The following TTC12 variants were observed in gnomAD, a reference collection of about 807,000 sequenced individuals.
The protein encoded by TTC12 is tetratricopeptide repeat domain 12, also known as tetratricopeptide repeat protein 12.
A neutral mutation model predicts 90.1 loss-of-function variants in TTC12; 70 were observed. The observed-to-expected ratio is 0.78, with a 90% confidence interval of 0.64 to 0.95. The LOEUF is 0.95. Ranked by LOEUF, TTC12 falls within the 40% of genes least tolerant of loss-of-function variation. TTC12 has a pLI of 0.00. For missense variants in TTC12, 819 were observed against 846.1 expected (o/e 0.97, Z 0.40); for synonymous variants, 296 against 311.5 (o/e 0.95, Z 0.53).
chr11:113,345,294 G>C (rs1248517198), intron 13 of TTC12, among the ~76,000 whole-genome samples: 1 of 152,096 alleles, frequency 6.6e-6, no homozygotes, highest in Non-Finnish European at 1.5e-5. Flanking sequence ...CTGCTATTTT[G>C]TTTTATCTCC....
chr11:113,371,335 T>C (rs1950381015), downstream of TTC12: 2 of 152,330 alleles, frequency 1.3e-5, no homozygotes, highest in South Asian at 4.1e-4. Context: ...GTAAATTCTA[T>C]GTAAATAGTG....
rs144273014 is a variant in TTC12 at position 113,359,736 on chromosome 11, G to C, written c.1546-204G>C. Reference sequence around the variant, plus strand: ...CTGCATTTACAAAGTCAAATAAAAGGCGGTTCCTGCTATCAGGGTAATGCC... The same window carrying C: ...CTGCATTTACAAAGTCAAATAAAAGCCGGTTCCTGCTATCAGGGTAATGCC... On this transcript the variant is annotated intron_variant, in intron 17 of 21. Coordinates refer to ENST00000529221, the MANE Select transcript of TTC12 (RefSeq NM_017868.4). Among the ~76,000 whole-genome samples the C allele has an allele frequency of 7.1e-3, 1,080 of 152,290 alleles. 10 individuals carry two copies. The highest frequency in any genetic ancestry group is 0.024 in the African/African-American group (1,005 of 41,556).
intron 12 of TTC12, 130 bp from the exon 13 acceptor site, chr11:113,344,142 T>G (rs1302992895): frequency 9.2e-7 from 1 of 1,092,212 alleles, no homozygotes; most frequent in Non-Finnish European, 1.3e-6. Flanking sequence ...GAATCCACAC[T>G]CTTACACTTC....
chr11:113,362,905 T>C (rs1418871545), intron 19 of TTC12, among the ~76,000 whole-genome samples: 2 of 152,228 alleles, frequency 1.3e-5, no homozygotes, highest in Admixed American at 6.5e-5. Context: ...ACTCCATCTA[T>C]GAGACATGTA....
At chr11:113,330,452 G>A (rs1218578789) in intron 7 of TTC12, among the ~76,000 whole-genome samples, 1 of 152,164 alleles carries the variant, frequency 6.6e-6, no homozygotes, top group Non-Finnish European at 1.5e-5. Context: ...GTCAGGCCTT[G>A]AGCAGATAAA....
intron 10 of TTC12, among the ~76,000 whole-genome samples, chr11:113,340,412 C>T (rs147189881): frequency 5.2e-5 from 8 of 152,384 alleles, no homozygotes; most frequent in Middle Eastern, 6.8e-3. Context: ...AGATAGCCCT[C>T]GGGGCCACCC....
chr11:113,341,794 T>C (rs529607818), intron 11 of TTC12, 43 bp from the exon 12 acceptor site: 1 of 1,469,534 alleles, frequency 6.8e-7, no homozygotes, highest in Non-Finnish European at 9.5e-7. Context: ...AAATCAAGAC[T>C]GATTTTCAGA....
rs140600385 is a variant in TTC12 at position 113,364,952 on chromosome 11, C to T, written c.1934C>T (p.Thr645Met). The change falls in exon 21 of 22, where the codon ACG (threonine) becomes ATG (methionine). Residue 645 changes from threonine (T) to methionine (M), a missense_variant. By Grantham distance (81) the Thr-to-Met change is moderately conservative (BLOSUM62 -1). Coordinates refer to ENST00000529221, the MANE Select transcript of TTC12 (RefSeq NM_017868.4). ...VPNVASSLLK[T>M]DLLQVLLKLA... Reference sequence around the variant, plus strand: ...AACGTTGCGTCTTCCCTGCTAAAGACGGACCTTTTGCAGGTCTTGTTAAAG... The same window carrying T: ...AACGTTGCGTCTTCCCTGCTAAAGATGGACCTTTTGCAGGTCTTGTTAAAG... The T allele has an allele frequency of 1.3e-4, 213 of 1,613,996 alleles. No individual in the cohort carries two copies. Among genetic ancestry groups the T allele is most frequent in the African/African-American group, 2.9e-4 (22 of 74,894 alleles).
intron 16 of TTC12, among the ~76,000 whole-genome samples, chr11:113,358,742 C>A (rs1328491294): frequency 2.0e-5 from 3 of 152,178 alleles, no homozygotes; most frequent in African/African-American, 7.2e-5. Flanking sequence ...CTCTCCCTGA[C>A]AACTCGATGA....
intron 21 of TTC12, among the ~76,000 whole-genome samples, chr11:113,372,518 T>TA (rs1348979447): frequency 6.6e-6 from 1 of 152,224 alleles, no homozygotes; most frequent in Non-Finnish European, 1.5e-5. Flanking sequence ...CAGAGCTTTT[T>TA]AAATTCTCTG....
chr11:113,352,735 A>G (rs1284703574), intron 16 of TTC12, among the ~76,000 whole-genome samples: 1 of 152,302 alleles, frequency 6.6e-6, no homozygotes, highest in East Asian at 1.9e-4. Flanking sequence ...TAATCTGCAA[A>G]GGATAATAGC....
chr11:113,349,125 C>T (rs1219659222), intron 13 of TTC12, among the ~76,000 whole-genome samples: 4 of 152,158 alleles, frequency 2.6e-5, no homozygotes, highest in African/African-American at 9.7e-5. Flanking sequence ...TGTGATTGGT[C>T]AAATGGATAA....
In TTC12 at chr11:113,352,113, GCATTGC is replaced by G; in HGVS notation, c.1356_1361del (p.Ala453_Ile454del). The G allele has an allele frequency of 6.2e-7, 1 of 1,614,248 alleles. No homozygotes were observed. The highest frequency in any genetic ancestry group is 8.5e-7 in the Non-Finnish European group (1 of 1,180,038). ...AGCAGCTCCTCGGCTCTGTGCCAGT[GCATTGC>G]CATCATGGGAAACCTCAGTGCTGAG... On this transcript the variant is annotated inframe_deletion, in exon 16 of 22. Coordinates refer to ENST00000529221, the MANE Select transcript of TTC12 (RefSeq NM_017868.4).
intron 15 of TTC12, 88 bp from the exon 16 acceptor site, chr11:113,351,982 C>T (rs1291753792): frequency 4.7e-6 from 7 of 1,489,484 alleles, no homozygotes; most frequent in Admixed American, 2.3e-5. Context: ...GTTCGTGGGC[C>T]TTTTGGTGAG....
rs918496807 is a variant in TTC12, at chr11:113,323,581, G to A, written c.222+130G>A. ...TGTTTCTTAGATTTATTTTTTATAAGAAAGTATAAAATTTGATTTTTTTTT... is the reference window on the plus strand; with the variant it reads ...TGTTTCTTAGATTTATTTTTTATAAAAAAGTATAAAATTTGATTTTTTTTT... On this transcript the variant is annotated intron_variant, in intron 3 of 21. Coordinates refer to ENST00000529221, the MANE Select transcript of TTC12 (RefSeq NM_017868.4). The A allele has an allele frequency of 5.1e-6, 3 of 593,320 alleles. No individual in the cohort carries two copies. In the East Asian group the frequency reaches 9.9e-5, roughly 20 times the overall value. 36.8% of individuals were successfully genotyped at this position (593,320 alleles called of 1,614,324 possible). A position where few individuals can be genotyped will look rare whatever the true frequency, so the allele number is the denominator to read the frequency against.
rs139889184 is a variant in TTC12 at position 113,362,342 on chromosome 11, T to TAA, written c.1615-57_1615-56dup. On this transcript the variant is annotated intron_variant, in intron 18 of 21. Transcript: ENST00000529221. ...CCTCACCAAACTCCCCGTTAGCTTT[T>TAA]AAAGGTTGTCAGCATTTCTGAAAAG... 4,257 of 1,355,804 alleles carry TAA rather than the reference T, an allele frequency of 3.1e-3. 111 individuals are homozygous for TAA. In the African/African-American group the frequency reaches 0.055, roughly 18 times the overall value. 84.0% of individuals were successfully genotyped at this position (1,355,804 alleles called of 1,614,324 possible).
intron 16 of TTC12, among the ~76,000 whole-genome samples, chr11:113,358,111 G>T (rs1488487660): frequency 6.6e-6 from 1 of 152,202 alleles, no homozygotes; most frequent in African/African-American, 2.4e-5. Flanking sequence ...GGGGGAGAAG[G>T]ATCTGCTATA....
Position 113,360,011 on chromosome 11 carries a change from A to C in TTC12, c.1614+3A>C, listed in dbSNP as rs782603932. 6.3e-7 allele frequency: 1 copy of C among 1,586,870 alleles called. No individual in the cohort carries two copies. Among genetic ancestry groups the C allele is most frequent in the Non-Finnish European group, 8.6e-7 (1 of 1,165,456 alleles). On this transcript the variant is annotated splice_donor_region_variant and intron_variant, in intron 18 of 21. Transcript: ENST00000529221. Reference sequence around the variant, plus strand: ...GCCAGGATGGAGGAATCCTGACAGTAAGTTTCTCCCAGGGAAATCCAGAAG... The same window carrying C: ...GCCAGGATGGAGGAATCCTGACAGTCAGTTTCTCCCAGGGAAATCCAGAAG...
At chr11:113,356,054 A>G (rs537842608) in intron 16 of TTC12, among the ~76,000 whole-genome samples, 41 of 152,288 alleles carry the variant, frequency 2.7e-4, no homozygotes, top group South Asian at 8.3e-4. Flanking sequence ...GTCTCCTGCT[A>G]TTATTGTGTG....
Sources: allele counts gnomAD v4.1 joint callset (sites outside exome capture counted in the v4.1 genomes callset), GRCh38; gene constraint gnomAD v4.1.1; transcripts MANE v1.5; gene names NCBI Gene and HGNC (gene_info 2026-07-23, HGNC 2026-07-21).